The following OR13G1 variants were observed in gnomAD, a reference collection of about 807,000 sequenced individuals.
OR13G1 encodes the protein olfactory receptor 13G1.
For missense variants in OR13G1, 369 were observed against 385.7 expected (o/e 0.96, Z 0.36); for synonymous variants, 128 against 136.2 (o/e 0.94, Z 0.42).
At chr1:247,674,725 A>G (rs750650823) in intron 1 of OR13G1, among the ~76,000 whole-genome samples, 9 of 151,612 alleles carry the variant, frequency 5.9e-5, no homozygotes, top group Non-Finnish European at 1.3e-4. Context: ...GTAGTTGATA[A>G]GCAAACAATG....
chr1:247,675,330 C>T (rs562262679), intron 1 of OR13G1, among the ~76,000 whole-genome samples: 6 of 151,944 alleles, frequency 3.9e-5, no homozygotes, highest in African/African-American at 1.4e-4. Flanking sequence ...GTAACTGTTA[C>T]TGATCAATTT....
chr1:247,673,069 T>G lies in OR13G1; in HGVS notation c.-28A>C. On this transcript the variant is annotated 5_prime_UTR_variant, in exon 2 of 2. Coordinates refer to ENST00000642119, the MANE Select transcript of OR13G1 (RefSeq NM_001005487.2). Reference sequence around the variant, plus strand: ...TGCTTGGGTGATTGAATGGCAGTAATTGCACAGAATAAACAACTGAAAATG... The same window carrying G: ...TGCTTGGGTGATTGAATGGCAGTAAGTGCACAGAATAAACAACTGAAAATG... The G allele has an allele frequency of 2.6e-6, 4 of 1,513,124 alleles. No individual in the cohort carries two copies. Among genetic ancestry groups the G allele is most frequent in the Non-Finnish European group, 3.6e-6 (4 of 1,103,736 alleles). The allele number at this position is 1,513,124 out of a possible 1,614,324, so 93.7% of individuals were successfully genotyped here.
intron 1 of OR13G1, among the ~76,000 whole-genome samples, chr1:247,677,864 G>A (rs1216462982): frequency 1.3e-5 from 2 of 152,146 alleles, no homozygotes; most frequent in East Asian, 3.9e-4. Flanking sequence ...CAGCACTTTG[G>A]GAGGCCAAGA....
chr1:247,673,461 C>T (rs938334714), intron 1 of OR13G1, among the ~76,000 whole-genome samples, 182 bp from the exon 2 acceptor site: 1 of 151,964 alleles, frequency 6.6e-6, no homozygotes, highest in African/African-American at 2.4e-5. Flanking sequence ...TTACATACCT[C>T]AATAATTTAG....
Position 247,672,140 on chromosome 1 carries a change from A to G in OR13G1, c.902T>C (p.Val301Ala), listed in dbSNP as rs906391261. 1.2e-6 allele frequency: 2 copies of G among 1,613,598 alleles called. No individual in the cohort carries two copies. Among genetic ancestry groups the G allele is most frequent in the Non-Finnish European group, 1.7e-6 (2 of 1,179,748 alleles). ...CTACTAGTGTTTCAGAAATGCAAAC[A>G]CCTTCCTAATTCCTGCCTGCATCTC... ...NREMQAGIRK[V>A]FAFLKH is the part of the protein sequence containing the mutation. Residue 301 changes from valine to alanine, a missense_variant, in exon 2 of 2, where the codon GTG (valine) becomes GCG (alanine). Physicochemically the swap from Val to Ala is moderately conservative, Grantham distance 64. Coordinates refer to ENST00000642119, the MANE Select transcript of OR13G1 (RefSeq NM_001005487.2).
At chr1:247,677,782 C>T (rs1659378307) in intron 1 of OR13G1, among the ~76,000 whole-genome samples, 1 of 152,162 alleles carries the variant, frequency 6.6e-6, no homozygotes, top group Non-Finnish European at 1.5e-5. Context: ...ATTCACCATG[C>T]TATTTTGCTG....
chr1:247,672,555 A>C lies in OR13G1; in HGVS notation c.487T>G (p.Leu163Val), dbSNP rs141088082. 1.1e-4 allele frequency: 185 copies of C among 1,614,066 alleles called. No homozygotes were observed. Among genetic ancestry groups the C allele is most frequent in the Non-Finnish European group, 1.4e-4 (170 of 1,180,002 alleles). Residue 163 changes from leucine to valine, a missense_variant, in exon 2 of 2, where the codon TTG (leucine) becomes GTG (valine). Coordinates refer to ENST00000642119, the MANE Select transcript of OR13G1 (RefSeq NM_001005487.2). The part of the protein sequence containing the change: ...SWVHTALIMR[L>V]TFCGPNTIDH... ...ATGGTGTTTGGCCCACAGAAAGTCA[A>C]CCTCATGATAAGAGCTGTGTGCACC...
intron 1 of OR13G1, among the ~76,000 whole-genome samples, chr1:247,675,943 C>T (rs1447602756): frequency 2.0e-5 from 3 of 152,154 alleles, no homozygotes; most frequent in South Asian, 2.1e-4. Flanking sequence ...CCGTGTCCAT[C>T]CCTGGTCATC....
Position 247,672,364 on chromosome 1 carries a change from G to A in OR13G1, c.678C>T (p.Arg226=). The part of the protein sequence containing the change: ...GFIIVAILRI[R]TVEGKRKAFS... ...AGGCCTTCCTCTTGCCTTCTACTGTGCGGATACGGAGAATAGCAACAATGA... is the reference window on the plus strand; with the variant it reads ...AGGCCTTCCTCTTGCCTTCTACTGTACGGATACGGAGAATAGCAACAATGA... The change falls in exon 2 of 2, where the codon CGC becomes CGT. Residue 226 remains arginine (R), a synonymous_variant. Coordinates refer to ENST00000642119, the MANE Select transcript of OR13G1 (RefSeq NM_001005487.2). The A allele has an allele frequency of 6.2e-7, 1 of 1,613,936 alleles. No individual in the cohort carries two copies. The highest frequency in any genetic ancestry group is 1.3e-5 in the African/African-American group (1 of 75,010).
chr1:247,677,115 G>A (rs1328716285), intron 1 of OR13G1, among the ~76,000 whole-genome samples: 3 of 151,870 alleles, frequency 2.0e-5, no homozygotes, highest in Non-Finnish European at 4.4e-5. Flanking sequence ...AAAATTAGCC[G>A]GCCTGTAATC....
intron 1 of OR13G1, among the ~76,000 whole-genome samples, chr1:247,677,042 G>C (rs1659358280): frequency 6.6e-6 from 1 of 152,144 alleles, no homozygotes; most frequent in African/African-American, 2.4e-5. Flanking sequence ...CAGATGGCTT[G>C]AGCCCAGGAG....
At chr1:247,675,935 G>A (rs948559055) in intron 1 of OR13G1, among the ~76,000 whole-genome samples, 4 of 152,050 alleles carry the variant, frequency 2.6e-5, no homozygotes, top group East Asian at 1.9e-4. Flanking sequence ...ACTCCTGGCC[G>A]TGTCCATCCC....
chr1:247,672,808 C>A lies in OR13G1; in HGVS notation c.234G>T (p.Met78Ile). 1 of 1,614,066 alleles carries A rather than the reference C, an allele frequency of 6.2e-7. No homozygotes were observed. The highest frequency in any genetic ancestry group is 8.5e-7 in the Non-Finnish European group (1 of 1,179,994). The change falls in exon 2 of 2, where the codon ATG becomes ATT. Residue 78 changes from methionine (M) to isoleucine (I), a missense_variant. Transcript: ENST00000642119. ...IICTTSIIPKMLGTMLTSENT... is the reference protein window; with the variant it reads ...IICTTSIIPKILGTMLTSENT... ...TTTCTGATGTTAGCATGGTCCCCAGCATCTTCGGTATGATGCTTGTTGTGC... is the reference window on the plus strand; with the variant it reads ...TTTCTGATGTTAGCATGGTCCCCAGAATCTTCGGTATGATGCTTGTTGTGC...
Position 247,673,216 on chromosome 1 carries a change from A to G in OR13G1, c.-175T>C. 1 of 585,194 alleles carries G rather than the reference A, an allele frequency of 1.7e-6. No individual in the cohort carries two copies. The highest frequency in any genetic ancestry group is 1.9e-5 in the African/African-American group (1 of 53,730). 36.3% of individuals were successfully genotyped at this position (585,194 alleles called of 1,614,324 possible). A position where few individuals can be genotyped will look rare whatever the true frequency, so the allele number is the denominator to read the frequency against. On this transcript the variant is annotated 5_prime_UTR_variant, in exon 2 of 2. Transcript: ENST00000642119. ...TTTGATGGAGTTCTGTATTCCAGGC[A>G]ATATACTCTGTTTTCCAGACTAATC...
chr1:247,678,923 T>C (rs945259790), intron 1 of OR13G1, among the ~76,000 whole-genome samples: 2 of 152,188 alleles, frequency 1.3e-5, no homozygotes, highest in Non-Finnish European at 2.9e-5. Flanking sequence ...CCCTAGGACA[T>C]CTGAAGCCAA....
At chr1:247,675,179 G>C (rs115024681) in intron 1 of OR13G1, among the ~76,000 whole-genome samples, 5,413 of 151,420 alleles carry the variant, frequency 0.036, 134 homozygotes, top group Middle Eastern at 0.12. Context: ...TCAGCTTTTT[G>C]GTGATCTTAA....
intron 1 of OR13G1, among the ~76,000 whole-genome samples, chr1:247,679,310 G>A (rs1050600037): frequency 6.6e-6 from 1 of 152,102 alleles, no homozygotes; most frequent in East Asian, 1.9e-4. Flanking sequence ...ACTTGGTAAA[G>A]TATGTTAACC....
intron 1 of OR13G1, among the ~76,000 whole-genome samples, chr1:247,676,341 G>T (rs1225827720): frequency 6.6e-6 from 1 of 151,892 alleles, no homozygotes; most frequent in South Asian, 2.1e-4. Context: ...TAATAATGAG[G>T]GAGTTTTTTA....
intron 1 of OR13G1, among the ~76,000 whole-genome samples, chr1:247,677,623 A>G (rs1659376000): frequency 6.6e-6 from 1 of 152,186 alleles, no homozygotes; most frequent in African/African-American, 2.4e-5. Context: ...AAAAACTTAG[A>G]CCATTTTGTC....
Sources: allele counts gnomAD v4.1 joint callset (sites outside exome capture counted in the v4.1 genomes callset), GRCh38; gene constraint gnomAD v4.1.1; transcripts MANE v1.5; gene names NCBI Gene and HGNC (gene_info 2026-07-23, HGNC 2026-07-21).